PPP4R3B: variants seen among roughly 807,000 people sequenced by gnomAD.
PPP4R3B encodes protein phosphatase 4 regulatory subunit 3B.
In PPP4R3B, 52 loss-of-function variants were observed where a neutral mutation model predicts 95.4. The ratio of observed to expected loss-of-function variants is 0.54; its 90% CI spans 0.44 to 0.69. PPP4R3B has a LOEUF of 0.69. Ranked by LOEUF, PPP4R3B falls within the 30% of genes least tolerant of loss-of-function variation. The pLI is 0.00. For missense variants in PPP4R3B, 1,003 were observed against 1,005.9 expected, an observed-to-expected ratio of 1.00 and a Z score of 0.04; for synonymous variants, 407 against 343.9, an observed-to-expected ratio of 1.18 and a Z score of -2.03.
At chr2:55,590,234 G>A (rs1020332646) in intron 4 of PPP4R3B, among the ~76,000 whole-genome samples, 3 of 151,624 alleles carry the variant, frequency 2.0e-5, no homozygotes, top group African/African-American at 7.3e-5. Context: ...GGCTGAGGCA[G>A]GAGAATCGCT....
chr2:55,585,198 A>G (rs747993274), intron 6 of PPP4R3B, 31 bp from the exon 7 acceptor site: 3 of 1,469,390 alleles, frequency 2.0e-6, no homozygotes, highest in Non-Finnish European at 2.8e-6. Flanking sequence ...TTACTTAGAG[A>G]CTGTTAACAA....
chr2:55,562,193 G>C (rs1574695996), intron 15 of PPP4R3B, among the ~76,000 whole-genome samples: 2 of 152,108 alleles, frequency 1.3e-5, no homozygotes, highest in Admixed American at 6.5e-5. Flanking sequence ...AGGCCAAAGT[G>C]GGTGAATCAT....
chr2:55,558,337 T>A (rs1686114314), intron 16 of PPP4R3B, among the ~76,000 whole-genome samples: 1 of 151,394 alleles, frequency 6.6e-6, no homozygotes, highest in Non-Finnish European at 1.5e-5. Flanking sequence ...ACATTTATTA[T>A]CATAAGCCTA....
At chr2:55,606,343 T>G (rs1693387491) in intron 2 of PPP4R3B, among the ~76,000 whole-genome samples, 1 of 152,164 alleles carries the variant, frequency 6.6e-6, no homozygotes, top group Non-Finnish European at 1.5e-5. Context: ...AATATACACT[T>G]AAGGCATAGT....
chr2:55,562,329 G>T (rs2103902888), intron 15 of PPP4R3B, among the ~76,000 whole-genome samples: 1 of 152,266 alleles, frequency 6.6e-6, no homozygotes, highest in South Asian at 2.1e-4. Flanking sequence ...GGCTGAGGCA[G>T]GAGAATTGCT....
intron 5 of PPP4R3B, among the ~76,000 whole-genome samples, chr2:55,588,187 C>G (rs368983365): frequency 6.6e-6 from 1 of 152,042 alleles, no homozygotes; most frequent in Non-Finnish European, 1.5e-5. Context: ...ATCATTTATT[C>G]AGGAAGCATT....
chr2:55,560,151 C>A (rs770202875), intron 15 of PPP4R3B, among the ~76,000 whole-genome samples: 2 of 151,918 alleles, frequency 1.3e-5, no homozygotes, highest in Admixed American at 6.6e-5. Context: ...AATGTGGAAG[C>A]GACTTTGGAA....
Position 55,598,837 on chromosome 2 carries a change from TC to T in PPP4R3B, c.499del (p.Glu167LysfsTer19). The T allele has an allele frequency of 6.2e-7, 1 of 1,614,230 alleles. No individual in the cohort carries two copies. Among genetic ancestry groups the T allele is most frequent in the Non-Finnish European group, 8.5e-7 (1 of 1,180,034 alleles). On this transcript the variant is annotated frameshift_variant, in exon 4 of 17. Transcript: ENST00000616407. LOFTEE classifies it high-confidence loss of function. ...IRREKLALAL[E>X]NEGYIKKLLQ... ...TAGTTTTTTAATATAGCCTTCATTT[TC>T]CAAGGCGAGAGCCAGCTTTTCCCTA...
chr2:55,572,475 G>A (rs1252707004), intron 12 of PPP4R3B, among the ~76,000 whole-genome samples: 1 of 152,114 alleles, frequency 6.6e-6, no homozygotes, highest in African/African-American at 2.4e-5. Context: ...ACTAATATAT[G>A]AAAAGATGCT....
intron 7 of PPP4R3B, among the ~76,000 whole-genome samples, chr2:55,582,501 A>T (rs1253441837): frequency 1.3e-5 from 2 of 152,220 alleles, no homozygotes; most frequent in African/African-American, 2.4e-5. Flanking sequence ...AGAAAATCAG[A>T]TGTTCAAATT....
chr2:55,605,739 C>T (rs1406101790), intron 2 of PPP4R3B, among the ~76,000 whole-genome samples: 1 of 151,972 alleles, frequency 6.6e-6, no homozygotes, highest in South Asian at 2.1e-4. Flanking sequence ...AACCCCGTCT[C>T]TACTAAAAAT....
At chr2:55,552,242 C>T (rs1297180956) in intron 16 of PPP4R3B, among the ~76,000 whole-genome samples, 1 of 152,086 alleles carries the variant, frequency 6.6e-6, no homozygotes, top group Admixed American at 6.5e-5. Flanking sequence ...AAGCTGATTC[C>T]ATACTTTTAA....
intron 12 of PPP4R3B, among the ~76,000 whole-genome samples, chr2:55,569,710 T>C (rs1450273478): frequency 6.6e-6 from 1 of 152,150 alleles, no homozygotes; most frequent in African/African-American, 2.4e-5. Flanking sequence ...TTGTATCCAA[T>C]AAACATCAGC....
In PPP4R3B at chr2:55,588,926, C is replaced by A. The variant is rs779012608; in HGVS notation, c.952G>T (p.Ala318Ser). 1 of 1,609,214 alleles carries A rather than the reference C, an allele frequency of 6.2e-7. No individual in the cohort carries two copies. The highest frequency in any genetic ancestry group is 1.7e-5 in the Admixed American group (1 of 59,770). ...TCTGTAGCCTCATCTGTTAATTGTG[C>A]AAAAACTTCAGACAAAAACTTCTCA... ...EDEKFLSEVF[A>S]QLTDEATDDD... The change falls in exon 5 of 17, where the codon GCA becomes TCA. Residue 318 changes from alanine (A) to serine (S), a missense_variant. Around this residue, in one of 3 missense-constraint regions of PPP4R3B, gnomAD observed 695 missense variants for 686.2 expected, o/e 1.01. Coordinates refer to ENST00000616407, the MANE Select transcript of PPP4R3B (RefSeq NM_001122964.3).
intron 8 of PPP4R3B, among the ~76,000 whole-genome samples, chr2:55,580,679 C>A (rs1014973514): frequency 2.6e-5 from 4 of 152,080 alleles, no homozygotes; most frequent in African/African-American, 9.7e-5. Flanking sequence ...AAAATAATGT[C>A]TATGGCTTTT....
At chr2:55,593,302 T>C (rs936768771) in intron 4 of PPP4R3B, among the ~76,000 whole-genome samples, 6 of 152,234 alleles carry the variant, frequency 3.9e-5, no homozygotes, top group Non-Finnish European at 7.3e-5. Context: ...ATTGTCAACA[T>C]GTATTAGCAC....
At chr2:55,597,668 G>A (rs1691989931) in intron 4 of PPP4R3B, among the ~76,000 whole-genome samples, 1 of 151,718 alleles carries the variant, frequency 6.6e-6, no homozygotes. Context: ...CGGCGTGGAG[G>A]CACATGCCTG....
chr2:55,598,703 C>T lies in PPP4R3B; in HGVS notation c.634G>A (p.Val212Ile). 6.2e-7 allele frequency: 1 copy of T among 1,614,186 alleles called. No individual in the cohort carries two copies. Among genetic ancestry groups the T allele is most frequent in the Non-Finnish European group, 8.5e-7 (1 of 1,180,038 alleles). ...LFLNKATLFE[V>I]MFSDECIMDV... ...ATGATACACTCATCAGAAAACATTA[C>T]CTCAAAAAGAGTTGCCTTATTTAGG... The change falls in exon 4 of 17, where the codon GTA becomes ATA. Residue 212 changes from valine to isoleucine, a missense_variant. This residue lies in a region of PPP4R3B where 695 missense variants were observed against 686.2 expected (regional missense o/e 1.01). Transcript: ENST00000616407.
At position 55,578,345 on chromosome 2, in the gene PPP4R3B, G is replaced by T; in HGVS notation, c.1469-3C>A. The T allele has an allele frequency of 7.3e-7, 1 of 1,375,748 alleles. No homozygotes were observed. Among genetic ancestry groups the T allele is most frequent in the Non-Finnish European group, 9.4e-7 (1 of 1,059,252 alleles). The allele number at this position is 1,375,748 out of a possible 1,614,324, so 85.2% of individuals were successfully genotyped here. The stretch of plus-strand genomic sequence containing the variant: ...TCTGTAATGTTTTAAAAAAAAATCT[G>T]AAAAAAAATATGGCAAGTTAGTTTT... On this transcript the variant is annotated splice_region_variant and splice_polypyrimidine_tract_variant and intron_variant, in intron 9 of 16. Transcript: ENST00000616407.
Sources: allele counts gnomAD v4.1 joint callset (sites outside exome capture counted in the v4.1 genomes callset), GRCh38; gene constraint gnomAD v4.1.1; regional missense constraint gnomAD v4.1.1; transcripts MANE v1.5; gene names NCBI Gene and HGNC (gene_info 2026-07-23, HGNC 2026-07-21).